Variants in SLC4A4 observed in about 807,000 individuals in gnomAD.
The protein encoded by SLC4A4 is electrogenic sodium bicarbonate cotransporter 1.
SLC4A4 carries 27 observed loss-of-function variants against 111.5 expected under a neutral mutation model. That is an observed-to-expected ratio of 0.24 (90% CI 0.18 to 0.33). The LOEUF is 0.33. Among genes scored for constraint, SLC4A4 ranks in the 10% least tolerant of loss-of-function variants. The pLI, the probability that SLC4A4 is intolerant of heterozygous loss-of-function variation, is 1.00. For missense variants in SLC4A4, 909 were observed against 1,315.5 expected (o/e 0.69, Z 4.78); for synonymous variants, 443 against 463.4 (o/e 0.96, Z 0.57).
intron 3 of SLC4A4, among the ~76,000 whole-genome samples, chr4:71,313,611 A>G (rs1726400543): frequency 6.6e-6 from 1 of 152,224 alleles, no homozygotes. Flanking sequence ...CCTCAGAAAT[A>G]ACACCACGTA....
chr4:71,496,164 G>A (rs1730387280), intron 15 of SLC4A4, among the ~76,000 whole-genome samples: 1 of 152,190 alleles, frequency 6.6e-6, no homozygotes, highest in Non-Finnish European at 1.5e-5. Context: ...AATACTAAGG[G>A]TGATAGATCT....
At chr4:71,174,169 T>G (rs1745019209) in intron 2 of SLC4A4, among the ~76,000 whole-genome samples, 1 of 152,162 alleles carries the variant, frequency 6.6e-6, no homozygotes, top group African/African-American at 2.4e-5. Context: ...TTTCCTTTTT[T>G]TTTCCTAGCC....
chr4:71,326,694 G>T (rs907103040), intron 3 of SLC4A4, among the ~76,000 whole-genome samples: 13 of 152,050 alleles, frequency 8.5e-5, no homozygotes, highest in African/African-American at 3.1e-4. Flanking sequence ...AAGATTAGCT[G>T]CATTCTCTAG....
At chr4:71,489,095 G>T (rs946215410) in intron 15 of SLC4A4, among the ~76,000 whole-genome samples, 1 of 151,458 alleles carries the variant, frequency 6.6e-6, no homozygotes, top group Admixed American at 6.6e-5. Context: ...AATTATTGAG[G>T]CACCTACTAG....
In SLC4A4 at chr4:71,349,948, G is replaced by C. The variant is rs767471800; in HGVS notation, c.426G>C (p.Gly142=). The change falls in exon 5 of 26, where the codon GGG becomes GGC. Residue 142 remains glycine (G), a synonymous_variant. Coordinates refer to ENST00000264485, the MANE Select transcript of SLC4A4 (RefSeq NM_001098484.3). Reference sequence around the variant, plus strand: ...TTGAAGAAAAAGTGGAACAGGGTGGGGAAAGATGGAGCAAGCCCCATGTGG... The same window carrying C: ...TTGAAGAAAAAGTGGAACAGGGTGGCGAAAGATGGAGCAAGCCCCATGTGG... The part of the protein sequence containing the change: ...IKFEEKVEQG[G]ERWSKPHVAT... The C allele has an allele frequency of 6.2e-7, 1 of 1,614,086 alleles. No homozygotes were observed. The highest frequency in any genetic ancestry group is 1.1e-5 in the South Asian group (1 of 91,074).
chr4:71,315,201 T>G (rs1420006976), intron 3 of SLC4A4, among the ~76,000 whole-genome samples: 1 of 152,116 alleles, frequency 6.6e-6, no homozygotes, highest in Non-Finnish European at 1.5e-5. Context: ...CTCCCTCTAT[T>G]CTGTGCCAAT....
chr4:71,437,730 C>G, intron 7 of SLC4A4: 1 of 318,544 alleles, frequency 3.1e-6, no homozygotes, highest in Non-Finnish European at 6.2e-6. Flanking sequence ...GATGAGCGGC[C>G]CCCTCCAAAG....
intron 7 of SLC4A4, among the ~76,000 whole-genome samples, chr4:71,413,678 C>G (rs1439113625): frequency 2.6e-5 from 4 of 152,126 alleles, no homozygotes; most frequent in African/African-American, 7.2e-5. Context: ...TGGAGGAGGA[C>G]TTGGGAAAGG....
At chr4:71,412,177 G>A (rs934451456) in intron 7 of SLC4A4, among the ~76,000 whole-genome samples, 14 of 152,202 alleles carry the variant, frequency 9.2e-5, no homozygotes, top group African/African-American at 3.4e-4. Flanking sequence ...AGATCTAAAT[G>A]TGGAGTGAAT....
intron 8 of SLC4A4, among the ~76,000 whole-genome samples, chr4:71,442,050 C>T (rs1321465798): frequency 1.3e-5 from 2 of 152,140 alleles, no homozygotes; most frequent in African/African-American, 2.4e-5. Flanking sequence ...ATTTATGTCT[C>T]TCTAGACTAA....
Position 71,419,495 on chromosome 4 carries a change from G to A in SLC4A4, c.808-21121G>A, listed in dbSNP as rs186873456. On this transcript the variant is annotated intron_variant, in intron 7 of 25. Transcript: ENST00000264485. ...AGACTCCGTGGGCGTAGGACCCTCCGAGCCAGGTGCGGGATATAATCTCCT... is the reference window on the plus strand; with the variant it reads ...AGACTCCGTGGGCGTAGGACCCTCCAAGCCAGGTGCGGGATATAATCTCCT... Among the ~76,000 whole-genome samples, 28 of 152,338 alleles carry A rather than the reference G, an allele frequency of 1.8e-4. 1 individual carries two copies. Among genetic ancestry groups the A allele is most frequent in the African/African-American group, 5.5e-4 (23 of 41,576 alleles).
chr4:71,140,449 G>A (rs1294991502), intron 2 of SLC4A4, among the ~76,000 whole-genome samples: 1 of 151,978 alleles, frequency 6.6e-6, no homozygotes, highest in Non-Finnish European at 1.5e-5. Context: ...CAAAACCTCT[G>A]CTAATGACTT....
At chr4:71,465,056 T>A (rs1577969232) in intron 12 of SLC4A4, among the ~76,000 whole-genome samples, 1 of 152,064 alleles carries the variant, frequency 6.6e-6, no homozygotes, top group Non-Finnish European at 1.5e-5. Context: ...AACTCGGAGG[T>A]TGAGGGTCAC....
intron 3 of SLC4A4, among the ~76,000 whole-genome samples, chr4:71,323,536 G>T (rs578098905): frequency 3.3e-5 from 5 of 152,142 alleles, no homozygotes; most frequent in African/African-American, 1.2e-4. Flanking sequence ...TTAAGGCACT[G>T]GGTACCTTGT....
chr4:71,072,359 C>T (rs1230704062), intron 1 of SLC4A4, among the ~76,000 whole-genome samples: 1 of 152,128 alleles, frequency 6.6e-6, no homozygotes, highest in East Asian at 1.9e-4. Context: ...TGCAAAGCCA[C>T]CTTTAGTCAT....
intron 7 of SLC4A4, among the ~76,000 whole-genome samples, chr4:71,431,355 T>G (rs900653701): frequency 3.3e-5 from 5 of 151,972 alleles, no homozygotes; most frequent in Admixed American, 6.6e-5. Context: ...TAATTAAATA[T>G]TGGAAGGAAG....
Position 71,125,500 on chromosome 4 carries a change from C to T in SLC4A4, c.-2+32708C>T, listed in dbSNP as rs544313468. ...GTTTGAACCTGGGAAGTGGAGATTG[C>T]AGTGAGCTGAGATCACGCCACAGCC... On this transcript the variant is annotated intron_variant, in intron 2 of 26. Coordinates refer to the SLC4A4 transcript ENST00000649996. 5.9e-5 allele frequency among the ~76,000 whole-genome samples: 9 copies of T among 152,296 alleles called. No homozygotes were observed. In the East Asian group the frequency reaches 1.7e-3, roughly 29 times the overall value.
Position 71,546,495 on chromosome 4 carries a change from C to T in SLC4A4, c.2588C>T (p.Ala863Val). ...TTGAAGATGGAGACAGAGACTTCTG[C>T]ACCTGGAGAACAACCAAAGTTTCTA... The part of the protein sequence containing the change: ...DSLKMETETS[A>V]PGEQPKFLGV... The change falls in exon 19 of 26, where the codon GCA becomes GTA. Residue 863 changes from alanine to valine, a missense_variant. By Grantham distance (64) the Ala-to-Val change is moderately conservative. This residue lies in a region of SLC4A4 where 104 missense variants were observed against 219.5 expected (regional missense o/e 0.47). Coordinates refer to ENST00000264485, the MANE Select transcript of SLC4A4 (RefSeq NM_001098484.3). 1.9e-6 allele frequency: 3 copies of T among 1,612,562 alleles called. No individual in the cohort carries two copies. Among genetic ancestry groups the T allele is most frequent in the Non-Finnish European group, 2.5e-6 (3 of 1,178,998 alleles).
chr4:71,372,171 T>C (rs926342607), intron 6 of SLC4A4, among the ~76,000 whole-genome samples: 5 of 152,224 alleles, frequency 3.3e-5, no homozygotes, highest in Non-Finnish European at 7.3e-5. Context: ...ACTAACTACC[T>C]TTAAAAGCTT....
Sources: gnomAD v4.1 joint callset for allele counts (sites outside exome capture counted in the v4.1 genomes callset) on GRCh38, gnomAD v4.1.1 for gene constraint, gnomAD v4.1.1 regional missense constraint, MANE v1.5 for transcripts, NCBI Gene and HGNC (gene_info 2026-07-23, HGNC 2026-07-21) for gene names.